The following NRP1 variants were observed in gnomAD, a reference collection of about 807,000 sequenced individuals.
NRP1 encodes the protein neuropilin-1.
NRP1 carries 35 observed loss-of-function variants against 106.7 expected under a neutral mutation model. That is an observed-to-expected ratio of 0.33 (90% CI 0.25 to 0.43). The LOEUF is 0.43. NRP1 is among the 20% of genes least tolerant of loss of function. The probability of loss-of-function intolerance (pLI) is 1.00; values close to 1 mark genes in which losing one functional copy is unlikely to be tolerated. For missense variants in NRP1, 1,024 were observed against 1,170.4 expected (o/e 0.87, Z 1.83); for synonymous variants, 437 against 417.9 (o/e 1.05, Z -0.56).
chr10:33,246,119 G>T (rs1841403055), intron 6 of NRP1, among the ~76,000 whole-genome samples: 1 of 145,740 alleles, frequency 6.9e-6, no homozygotes, highest in Non-Finnish European at 1.5e-5. Flanking sequence ...AATCATATTG[G>T]TAATTTCTTT....
intron 2 of NRP1, among the ~76,000 whole-genome samples, chr10:33,297,212 C>T (rs1419306774): frequency 6.6e-6 from 1 of 152,102 alleles, no homozygotes; most frequent in Non-Finnish European, 1.5e-5. Flanking sequence ...GGAAGCAGCA[C>T]ACTTCTGAGG....
At chr10:33,329,427 C>T (rs1171559248) in intron 2 of NRP1, among the ~76,000 whole-genome samples, 1 of 152,190 alleles carries the variant, frequency 6.6e-6, no homozygotes, top group Non-Finnish European at 1.5e-5. Flanking sequence ...GTTTACTAAA[C>T]CAACTCAACA....
At position 33,331,785 on chromosome 10, in the gene NRP1, C is replaced by T. The variant is rs1848303931; in HGVS notation, c.74-903G>A. On this transcript the variant is annotated intron_variant, in intron 1 of 16. Transcript: ENST00000374867. ...ATTGTTCAGCATAGATTCTCATTGT[C>T]ACATTTTATGATGGATTTCATACTG... 2.6e-5 allele frequency among the ~76,000 whole-genome samples: 4 copies of T among 152,160 alleles called. No individual in the cohort carries two copies. The South Asian group carries it at 8.3e-4, about 32-fold the overall frequency.
intron 6 of NRP1, among the ~76,000 whole-genome samples, chr10:33,236,061 A>C (rs1337861930): frequency 2.0e-5 from 3 of 152,206 alleles, no homozygotes; most frequent in Non-Finnish European, 2.9e-5. Context: ...TAATACTTTT[A>C]ATTAACATTT....
chr10:33,297,333 G>C (rs1311864042), intron 2 of NRP1, among the ~76,000 whole-genome samples: 2 of 152,154 alleles, frequency 1.3e-5, no homozygotes, highest in Admixed American at 6.5e-5. Flanking sequence ...GGAATATAAC[G>C]ATTCTGGAAC....
At chr10:33,277,456 G>A (rs537179361) in intron 2 of NRP1, among the ~76,000 whole-genome samples, 44 of 152,318 alleles carry the variant, frequency 2.9e-4, no homozygotes, top group African/African-American at 9.9e-4. Context: ...GCCTGATCAC[G>A]GGCAGCCCCA....
At chr10:33,214,759 A>G (rs1246875913) in intron 8 of NRP1, among the ~76,000 whole-genome samples, 2 of 152,256 alleles carry the variant, frequency 1.3e-5, no homozygotes, top group Non-Finnish European at 2.9e-5. Flanking sequence ...TCACTAGATC[A>G]GTCAGATTCG....
rs1588902074 is a variant in NRP1, at chr10:33,276,681, A to G, written c.249-5825T>C. On this transcript the variant is annotated intron_variant, in intron 2 of 16. Transcript: ENST00000374867. ...TCCCTTTCATATTTTTTGTGGGGGG[A>G]TGGGTGTGTCCTTACTTTAGGATTA... Among the ~76,000 whole-genome samples, 4 of 151,930 alleles carry G rather than the reference A, an allele frequency of 2.6e-5. No individual in the cohort carries two copies. In the South Asian group the frequency reaches 6.2e-4, roughly 24 times the overall value.
At chr10:33,244,742 AAAAT>A (rs978101712) in intron 6 of NRP1, among the ~76,000 whole-genome samples, 3 of 152,242 alleles carry the variant, frequency 2.0e-5, no homozygotes, top group African/African-American at 4.8e-5. Context: ...TGAATTAAAA[AAAAT>A]AACCCAAGAA....
intron 15 of NRP1, among the ~76,000 whole-genome samples, chr10:33,185,111 A>T (rs1835915895): frequency 1.3e-5 from 2 of 152,200 alleles, no homozygotes; most frequent in Non-Finnish European, 2.9e-5. Context: ...TCTGAATCTC[A>T]TTGAAGTCCT....
intron 2 of NRP1, among the ~76,000 whole-genome samples, chr10:33,318,905 C>T (rs1462206158): frequency 6.6e-6 from 1 of 151,584 alleles, no homozygotes; most frequent in Admixed American, 6.5e-5. Context: ...GGCTTGGCAG[C>T]CTGTTCCCAG....
chr10:33,303,701 C>T (rs1243751544), intron 2 of NRP1, among the ~76,000 whole-genome samples: 1 of 152,184 alleles, frequency 6.6e-6, no homozygotes, highest in African/African-American at 2.4e-5. Flanking sequence ...TGCTTTTGCA[C>T]ATTTAGCAAA....
chr10:33,285,024 C>A (rs1185728056), intron 2 of NRP1, among the ~76,000 whole-genome samples: 1 of 152,240 alleles, frequency 6.6e-6, no homozygotes, highest in Non-Finnish European at 1.5e-5. Context: ...CAATCTAGTT[C>A]TTTCTCCTAT....
intron 6 of NRP1, among the ~76,000 whole-genome samples, chr10:33,244,592 T>C (rs899564850): frequency 6.6e-5 from 10 of 152,304 alleles, no homozygotes; most frequent in African/African-American, 2.4e-4. Flanking sequence ...GATATGAAAC[T>C]GGTTGGTAAT....
intron 1 of NRP1, 80 bp downstream of exon 1, chr10:33,334,230 G>A: frequency 1.5e-6 from 2 of 1,321,416 alleles, no homozygotes; most frequent in Non-Finnish European, 2.1e-6. Context: ...ATCCCGGGAA[G>A]CCCCGCCTGA....
chr10:33,238,931 G>GTA, intron 6 of NRP1, among the ~76,000 whole-genome samples: 1 of 151,748 alleles, frequency 6.6e-6, no homozygotes, highest in South Asian at 2.1e-4. Context: ...GTGTGTGTGT[G>GTA]TATGTGTGCG....
At chr10:33,257,221 G>A (rs1271339105) in intron 4 of NRP1, among the ~76,000 whole-genome samples, 4 of 152,164 alleles carry the variant, frequency 2.6e-5, no homozygotes, top group African/African-American at 9.7e-5. Flanking sequence ...AAATCTGAGA[G>A]GTGACTTGTT....
At chr10:33,298,480 G>C (rs1341378931) in intron 2 of NRP1, among the ~76,000 whole-genome samples, 1 of 152,120 alleles carries the variant, frequency 6.6e-6, no homozygotes, top group Non-Finnish European at 1.5e-5. Flanking sequence ...GAATTCCCAA[G>C]ATCTCCAACT....
At chr10:33,222,150 A>C (rs1839297323) in intron 7 of NRP1, among the ~76,000 whole-genome samples, 2 of 152,244 alleles carry the variant, frequency 1.3e-5, no homozygotes, top group South Asian at 4.1e-4. Context: ...TTATCTAAAA[A>C]GTGTGAAACT....
Sources: gnomAD v4.1 joint callset for allele counts (sites outside exome capture counted in the v4.1 genomes callset) on GRCh38, gnomAD v4.1.1 for gene constraint, MANE v1.5 for transcripts, NCBI Gene and HGNC (gene_info 2026-07-23, HGNC 2026-07-21) for gene names.